Variants in PCNX1 observed in about 807,000 individuals in gnomAD.
PCNX1 encodes pecanex 1.
In PCNX1, 78 loss-of-function variants were observed where a neutral mutation model predicts 242.2. That is an observed-to-expected ratio of 0.32 (90% CI 0.27 to 0.39). The LOEUF is 0.39. Ranked by LOEUF, PCNX1 falls within the 10% of genes least tolerant of loss-of-function variation. The pLI, the probability that PCNX1 is intolerant of heterozygous loss-of-function variation, is 1.00. For synonymous variants in PCNX1, 1,024 were observed against 1,032.9 expected, an observed-to-expected ratio of 0.99 and a Z score of 0.17; for missense variants, 2,581 against 2,856.5, an observed-to-expected ratio of 0.90 and a Z score of 2.20.
At chr14:71,052,470 C>T (rs2061065401) in intron 24 of PCNX1, among the ~76,000 whole-genome samples, 1 of 152,166 alleles carries the variant, frequency 6.6e-6, no homozygotes, top group South Asian at 2.1e-4. Context: ...GCCTCAGCCT[C>T]CCAAAGTGTT....
At chr14:70,983,734 G>A (rs2058915050) in intron 6 of PCNX1, among the ~76,000 whole-genome samples, 1 of 151,414 alleles carries the variant, frequency 6.6e-6, no homozygotes, top group Admixed American at 6.6e-5. Context: ...GGCAGTGTTT[G>A]GCTTCCCAGA....
intron 11 of PCNX1, among the ~76,000 whole-genome samples, chr14:71,013,964 T>A (rs2059891291): frequency 6.6e-6 from 1 of 152,190 alleles, no homozygotes; most frequent in Non-Finnish European, 1.5e-5. Flanking sequence ...CTTAGAGATC[T>A]GCATTGAGTC....
chr14:70,968,161 T>C (rs1028641970), intron 3 of PCNX1, 37 bp from the exon 4 acceptor site: 2 of 1,517,932 alleles, frequency 1.3e-6, no homozygotes, highest in African/African-American at 2.7e-5. Flanking sequence ...TAGCTAGCAT[T>C]TTAATTAGTT....
chr14:71,009,521 T>A (rs968247060), intron 8 of PCNX1, 113 bp from the exon 9 acceptor site: 1 of 530,492 alleles, frequency 1.9e-6, no homozygotes, highest in Non-Finnish European at 3.1e-6. Flanking sequence ...AAATTTTTTT[T>A]AAAGGTTATG....
At chr14:70,927,309 C>G (rs141589251) in intron 1 of PCNX1, among the ~76,000 whole-genome samples, 17 of 152,254 alleles carry the variant, frequency 1.1e-4, no homozygotes, top group Admixed American at 2.6e-4. Context: ...AGGATATGCT[C>G]TTCTACGTTT....
intron 6 of PCNX1, among the ~76,000 whole-genome samples, chr14:70,980,787 G>A (rs917292088): frequency 6.6e-6 from 1 of 151,956 alleles, no homozygotes; most frequent in Non-Finnish European, 1.5e-5. Flanking sequence ...AATGTTTCTG[G>A]GCTATCCTTC....
intron 26 of PCNX1, among the ~76,000 whole-genome samples, chr14:71,060,218 T>C (rs1566760303): frequency 6.6e-6 from 1 of 152,160 alleles, no homozygotes; most frequent in African/African-American, 2.4e-5. Flanking sequence ...ATTACTTGTG[T>C]TTATGGTGAT....
chr14:71,073,869 A>ACT, intron 27 of PCNX1, 71 bp downstream of exon 27: 2 of 1,012,708 alleles, frequency 2.0e-6, no homozygotes, highest in Non-Finnish European at 2.7e-6. Flanking sequence ...ATATAAGTAT[A>ACT]TATATATGTA....
intron 27 of PCNX1, among the ~76,000 whole-genome samples, chr14:71,075,099 A>G (rs61990420): frequency 0.014 from 2,150 of 150,700 alleles, 24 homozygotes; most frequent in Middle Eastern, 0.034. Context: ...GGCTCAAGCA[A>G]TACACCCACG....
intron 11 of PCNX1, among the ~76,000 whole-genome samples, chr14:71,017,210 A>G (rs565331905): frequency 7.2e-5 from 11 of 152,340 alleles, no homozygotes; most frequent in African/African-American, 2.4e-4. Context: ...TCTTACATCT[A>G]TTAAATAAGT....
chr14:70,954,755 T>G (rs2057926969), intron 2 of PCNX1, among the ~76,000 whole-genome samples: 1 of 152,232 alleles, frequency 6.6e-6, no homozygotes, highest in Non-Finnish European at 1.5e-5. Context: ...TTGTTTAATT[T>G]TTTTCACTGG....
intron 7 of PCNX1, among the ~76,000 whole-genome samples, chr14:70,991,083 A>G (rs2059149490): frequency 6.6e-6 from 1 of 152,066 alleles, no homozygotes; most frequent in Non-Finnish European, 1.5e-5. Flanking sequence ...GTCCTCTACT[A>G]GGTGGAATAT....
intron 26 of PCNX1, among the ~76,000 whole-genome samples, chr14:71,061,211 G>A (rs563124499): frequency 4.1e-4 from 63 of 152,292 alleles, no homozygotes; most frequent in African/African-American, 1.4e-3. Flanking sequence ...ACAAATGGAA[G>A]CCCTTTGTGA....
chr14:70,993,708 A>G (rs1200907085), intron 7 of PCNX1, among the ~76,000 whole-genome samples: 2 of 152,194 alleles, frequency 1.3e-5, no homozygotes, highest in Non-Finnish European at 2.9e-5. Flanking sequence ...CGATAGAAAA[A>G]TTTGTTGAGT....
chr14:71,101,957 C>G, intron 30 of PCNX1, 33 bp from the exon 31 acceptor site: 1 of 1,255,658 alleles, frequency 8.0e-7, no homozygotes, highest in Non-Finnish European at 1.1e-6. Context: ...TTTTATTTTC[C>G]TTTAAAAATT....
chr14:70,993,340 G>A (rs2059227745), intron 7 of PCNX1, among the ~76,000 whole-genome samples: 1 of 151,702 alleles, frequency 6.6e-6, no homozygotes, highest in African/African-American at 2.4e-5. Context: ...TGTTAAGCCA[G>A]GATGGTCTCG....
At position 71,076,380 on chromosome 14, in the gene PCNX1, C is replaced by T; in HGVS notation, c.5298C>T (p.Tyr1766=). 1 of 1,612,028 alleles carries T rather than the reference C, an allele frequency of 6.2e-7. No homozygotes were observed. The highest frequency in any genetic ancestry group is 8.5e-7 in the Non-Finnish European group (1 of 1,178,208). The change falls in exon 28 of 36, where the codon TAC becomes TAT. Residue 1766 remains tyrosine (Y), a synonymous_variant. Coordinates refer to ENST00000304743, the MANE Select transcript of PCNX1 (RefSeq NM_014982.3). Reference sequence around the variant, plus strand: ...CTAGGGAGAGTTTCTGTGTGATTTACCTCAACTGGATAGAGTACTGCTCTT... The same window carrying T: ...CTAGGGAGAGTTTCTGTGTGATTTATCTCAACTGGATAGAGTACTGCTCTT... ...GISRESFCVI[Y]LNWIEYCSSR...
chr14:70,943,130 C>T lies in PCNX1; in HGVS notation c.154-3785C>T, dbSNP rs150118422. Among the ~76,000 whole-genome samples, 495 of 152,250 alleles carry T rather than the reference C, an allele frequency of 3.3e-3. 4 individuals carry two copies. Among genetic ancestry groups the T allele is most frequent in the East Asian group, 0.024 (123 of 5,176 alleles). On this transcript the variant is annotated intron_variant, in intron 1 of 35. Coordinates refer to ENST00000304743, the MANE Select transcript of PCNX1 (RefSeq NM_014982.3). ...CCCAGTCTCGGGTATTTCTTCATAG[C>T]AGCATGAGAATGGACTAATACAGTA...
At chr14:71,043,360 A>C (rs2060766299) in intron 19 of PCNX1, among the ~76,000 whole-genome samples, 1 of 152,034 alleles carries the variant, frequency 6.6e-6, no homozygotes, top group Non-Finnish European at 1.5e-5. Context: ...GACTTGGGAA[A>C]TTTTCAGCTA....
Sources: allele counts gnomAD v4.1 joint callset (sites outside exome capture counted in the v4.1 genomes callset), GRCh38; gene constraint gnomAD v4.1.1; transcripts MANE v1.5; gene names NCBI Gene and HGNC (gene_info 2026-07-23, HGNC 2026-07-21).